Variants in OTOGL observed in about 807,000 individuals in gnomAD.
The protein encoded by OTOGL is otogelin-like protein.
A neutral mutation model predicts 318.5 loss-of-function variants in OTOGL; 285 were observed. The ratio of observed to expected loss-of-function variants is 0.89; its 90% confidence interval spans 0.81 to 0.99. The LOEUF is 0.99. Ranked by LOEUF, OTOGL falls within the 50% of genes least tolerant of loss-of-function variation. OTOGL has a pLI of 0.00. For missense variants in OTOGL, 2,899 were observed against 2,845.6 expected (o/e 1.02, Z -0.43); for synonymous variants, 987 against 936.5 (o/e 1.05, Z -0.99).
At chr12:80,373,368 G>T (rs1890997269) in intron 57 of OTOGL, among the ~76,000 whole-genome samples, 1 of 152,052 alleles carries the variant, frequency 6.6e-6, no homozygotes. Flanking sequence ...AGAGGCGGAG[G>T]TTACAGTGAG....
chr12:80,144,308 T>C (rs1872175901), intron 1 of OTOGL, among the ~76,000 whole-genome samples: 1 of 151,844 alleles, frequency 6.6e-6, no homozygotes, highest in Non-Finnish European at 1.5e-5. Flanking sequence ...ATGCGGTGTT[T>C]GGTTTTTTGT....
Position 80,365,622 on chromosome 12 carries a change from C to T in OTOGL, c.6268-952C>T, listed in dbSNP as rs557921898. 2.0e-5 allele frequency among the ~76,000 whole-genome samples: 3 copies of T among 152,106 alleles called. No homozygotes were observed. In the South Asian group the frequency reaches 6.2e-4, roughly 32 times the overall value. On this transcript the variant is annotated intron_variant, in intron 52 of 58. Coordinates refer to ENST00000547103, the MANE Select transcript of OTOGL (RefSeq NM_001378609.3). ...ATTCGATTTATTATTATTTTTAGCT[C>T]CATTATTCTAACATTTATTTCCAGT...
At chr12:80,110,093 G>C (rs1321397700) in intron 1 of OTOGL, among the ~76,000 whole-genome samples, 2 of 129,936 alleles carry the variant, frequency 1.5e-5, no homozygotes, top group Admixed American at 1.7e-4. Context: ...TTTTGAGACG[G>C]AGTCTCACTC....
At chr12:80,310,575 T>C (rs945823946) in intron 29 of OTOGL, 36 bp from the exon 30 acceptor site, 1 of 1,449,550 alleles carries the variant, frequency 6.9e-7, no homozygotes, top group Non-Finnish European at 9.5e-7. Flanking sequence ...ATTGTCCCTT[T>C]GAAAACTTCT....
chr12:80,104,911 A>T lies in OTOGL; in HGVS notation c.-20+5306A>T, dbSNP rs11834938. On this transcript the variant is annotated intron_variant, in intron 1 of 58. Coordinates refer to ENST00000547103, the MANE Select transcript of OTOGL (RefSeq NM_001378609.3). Reference sequence around the variant, plus strand: ...GGAGTTCGACACCTGCCTGACCAACATGAAGAAACCCTGTCTCTACTAAAA... The same window carrying T: ...GGAGTTCGACACCTGCCTGACCAACTTGAAGAAACCCTGTCTCTACTAAAA... Among the ~76,000 whole-genome samples, 1,040 of 152,246 alleles carry T rather than the reference A, an allele frequency of 6.8e-3. 16 individuals are homozygous for T. The highest frequency in any genetic ancestry group is 0.022 in the African/African-American group (924 of 41,560).
chr12:80,380,032 G>A lies in OTOGL; in HGVS notation c.*1984G>A, dbSNP rs1308024222. 1 of 152,076 alleles carries A rather than the reference G, an allele frequency of 6.6e-6. No individual in the cohort carries two copies. Among genetic ancestry groups the A allele is most frequent in the Non-Finnish European group, 1.5e-5 (1 of 67,934 alleles). 9.4% of individuals were successfully genotyped at this position (152,076 alleles called of 1,614,324 possible). A position where few individuals can be genotyped will look rare whatever the true frequency, so the allele number is the denominator to read the frequency against. Reference sequence around the variant, plus strand: ...AGATGACTCTGAAATCAGTGGAAGAGTGCAAATTAGCTCTTAATAAATGGT... The same window carrying A: ...AGATGACTCTGAAATCAGTGGAAGAATGCAAATTAGCTCTTAATAAATGGT... On this transcript the variant is annotated 3_prime_UTR_variant, in exon 59 of 59. Coordinates refer to ENST00000547103, the MANE Select transcript of OTOGL (RefSeq NM_001378609.3).
intron 1 of OTOGL, among the ~76,000 whole-genome samples, chr12:80,135,277 C>CTCCTCCCCTT (rs1871490126): frequency 2.9e-5 from 2 of 69,868 alleles, no homozygotes; most frequent in Non-Finnish European, 6.2e-5. Context: ...CCCCTCCCCT[C>CTCCTCCCCTT]CCCTTCCCTT....
chr12:80,330,363 T>C lies in OTOGL; in HGVS notation c.4348+1244T>C, dbSNP rs537738201. On this transcript the variant is annotated intron_variant, in intron 37 of 58. Coordinates refer to ENST00000547103, the MANE Select transcript of OTOGL (RefSeq NM_001378609.3). ...CGAGAGAGGTTTACCCTTCTAGAGA[T>C]GAGGAATTACTATACTGTTGTGAAA... Among the ~76,000 whole-genome samples the C allele has an allele frequency of 6.6e-5, 10 of 152,290 alleles. No homozygotes were observed. In the South Asian group the frequency reaches 1.5e-3, roughly 22 times the overall value.
intron 21 of OTOGL, 23 bp from the exon 22 acceptor site, chr12:80,267,230 T>C: frequency 6.9e-7 from 1 of 1,449,460 alleles, no homozygotes; most frequent in Non-Finnish European, 9.4e-7. Flanking sequence ...GTATCCTATT[T>C]ACTTTACTTT....
chr12:80,310,294 G>T (rs1373929140), intron 29 of OTOGL, among the ~76,000 whole-genome samples: 1 of 152,098 alleles, frequency 6.6e-6, no homozygotes, highest in Non-Finnish European at 1.5e-5. Flanking sequence ...AAATGAAGAA[G>T]ATGAAGATGA....
At chr12:80,295,412 A>G (rs1355710231) in intron 26 of OTOGL, among the ~76,000 whole-genome samples, 2 of 152,028 alleles carry the variant, frequency 1.3e-5, no homozygotes, top group Non-Finnish European at 2.9e-5. Context: ...CCTGATCTCA[A>G]GTGATCTGCC....
At chr12:80,354,106 C>T (rs1404441434) in intron 46 of OTOGL, among the ~76,000 whole-genome samples, 1 of 152,118 alleles carries the variant, frequency 6.6e-6, no homozygotes, top group Non-Finnish European at 1.5e-5. Context: ...GGGCCACTGC[C>T]CTCATCAATA....
intron 12 of OTOGL, 99 bp from the exon 13 acceptor site, chr12:80,251,977 T>C (rs1189971888): frequency 1.1e-5 from 15 of 1,346,612 alleles, no homozygotes; most frequent in Non-Finnish European, 1.4e-5. Flanking sequence ...TAAAAGTTAT[T>C]TTTTGCAAAT....
At chr12:80,194,963 A>G (rs550833249) in intron 1 of OTOGL, among the ~76,000 whole-genome samples, 51 of 152,294 alleles carry the variant, frequency 3.3e-4, no homozygotes, top group Non-Finnish European at 1.0e-4. Flanking sequence ...ATTTGACTTA[A>G]CCCTATTACT....
rs374784341 is a variant in OTOGL, at chr12:80,336,520, A to G, written c.4708A>G (p.Ile1570Val). The stretch of plus-strand genomic sequence containing the variant: ...CTTAGTAAGAATTCCTGGTGAAATT[A>G]TAGTTGCTCATATCGAAAAATGTTC... ...YILVRIPGEI[I>V]VAHIEKCSMN... Residue 1570 changes from isoleucine (I) to valine (V), a missense_variant, in exon 40 of 59, where the codon ATA becomes GTA. Physicochemically the swap from Ile to Val is conservative, Grantham distance 29. Coordinates refer to ENST00000547103, the MANE Select transcript of OTOGL (RefSeq NM_001378609.3). 2.3e-4 allele frequency: 366 copies of G among 1,609,464 alleles called. No homozygotes were observed. The highest frequency in any genetic ancestry group is 1.9e-3 in the East Asian group (84 of 44,806).
chr12:80,212,952 T>A (rs1877385352), intron 4 of OTOGL, among the ~76,000 whole-genome samples: 1 of 152,102 alleles, frequency 6.6e-6, no homozygotes, highest in Admixed American at 6.6e-5. Flanking sequence ...CTGACCCAGA[T>A]CCCAAGAGAG....
chr12:80,188,560 TAATA>T (rs935205306), intron 1 of OTOGL, among the ~76,000 whole-genome samples: 1 of 148,698 alleles, frequency 6.7e-6, no homozygotes, highest in East Asian at 1.9e-4. Flanking sequence ...ATAATAATAA[TAATA>T]AATAAATATA....
chr12:80,277,223 ATATT>A (rs1256543794), intron 24 of OTOGL, among the ~76,000 whole-genome samples: 7 of 146,662 alleles, frequency 4.8e-5, no homozygotes, highest in South Asian at 4.2e-4. Flanking sequence ...TTTATTTTAT[ATATT>A]TATTATATTT....
chr12:80,362,135 TC>T (rs1180144963), intron 52 of OTOGL, among the ~76,000 whole-genome samples: 1 of 152,218 alleles, frequency 6.6e-6, no homozygotes, highest in Non-Finnish European at 1.5e-5. Flanking sequence ...AAGTCTTTAA[TC>T]CCCTTGGAGT....
Sources: gnomAD v4.1 joint callset for allele counts (sites outside exome capture counted in the v4.1 genomes callset) on GRCh38, gnomAD v4.1.1 for gene constraint, MANE v1.5 for transcripts, NCBI Gene and HGNC (gene_info 2026-07-23, HGNC 2026-07-21) for gene names.